RBM10: variants seen among roughly 807,000 people sequenced by gnomAD.
The protein encoded by RBM10 is RNA binding motif protein 10.
Under a neutral mutation model 84.9 loss-of-function variants are expected in RBM10, and 1 was observed. The observed-to-expected ratio is 0.01, with a 90% CI of 0.00 to 0.06. RBM10 has a LOEUF of 0.06. Ranked by LOEUF, RBM10 falls within the 10% of genes least tolerant of loss-of-function variation. RBM10 has a pLI of 1.00. For synonymous variants in RBM10, 326 were observed against 344.5 expected, an observed-to-expected ratio of 0.95 and a Z score of 0.60; for missense variants, 438 against 839.0, an observed-to-expected ratio of 0.52 and a Z score of 5.90.
At position 47,185,609 on chromosome X, in the gene RBM10, G is replaced by A. The variant is rs1556782033; in HGVS notation, c.2334G>A (p.Gln778=). The change falls in exon 20 of 24, where the codon CAG becomes CAA. Residue 778 remains glutamine (Q), a synonymous_variant. Transcript: ENST00000377604. Reference sequence around the variant, plus strand: ...GCAAAGAGGCGCTCATCCGGCACCAGCAGCTCTCAGGGCTCCACAAGGTAA... The same window carrying A: ...GCAAAGAGGCGCTCATCCGGCACCAACAGCTCTCAGGGCTCCACAAGGTAA... The part of the protein sequence containing the change: ...FPSKEALIRH[Q]QLSGLHKQNL... 1 of 1,207,058 alleles carries A rather than the reference G, an allele frequency of 8.3e-7. No homozygotes were observed. Among genetic ancestry groups the A allele is most frequent in the East Asian group, 3.0e-5 (1 of 33,717 alleles).
At chrX:47,149,187 TG>T (rs1932567563) in intron 2 of RBM10, among the ~76,000 whole-genome samples, 1 of 111,068 alleles carries the variant, frequency 9.0e-6, no homozygotes, top group South Asian at 3.7e-4. Flanking sequence ...AGGTTTTTTT[TG>T]TTTTTTGTTT....
chrX:47,169,235 G>A lies in RBM10; in HGVS notation c.18-80G>A, dbSNP rs140530526. On this transcript the variant is annotated intron_variant, in intron 2 of 23. Coordinates refer to ENST00000377604, the MANE Select transcript of RBM10 (RefSeq NM_005676.5). ...TCCTCCAAAAAAACCAAAACCCTAC[G>A]AGAACACATCACCTGGGCCTCTTGC... is the stretch of plus-strand genomic sequence containing the variant. 5.1e-5 allele frequency: 52 copies of A among 1,015,290 alleles called. No homozygotes were observed. In the Middle Eastern group the frequency reaches 1.1e-3, roughly 21 times the overall value. 83.7% of individuals were successfully genotyped at this position (1,015,290 alleles called of 1,213,427 possible).
At chrX:47,146,026 C>G (rs1441781990) in intron 1 of RBM10, among the ~76,000 whole-genome samples, 1 of 109,625 alleles carries the variant, frequency 9.1e-6, no homozygotes, top group Non-Finnish European at 1.9e-5. Context: ...GACCCTAACC[C>G]ACTTATTGGG....
At chrX:47,185,238 A>T (rs782221877) in intron 18 of RBM10, 34 bp downstream of exon 18, 1 of 1,211,683 alleles carries the variant, frequency 8.3e-7, no homozygotes, top group Non-Finnish European at 1.1e-6. Context: ...ACCCTGCCCC[A>T]CAATCTTGTC....
At chrX:47,147,085 G>T (rs1444939257) in intron 1 of RBM10, among the ~76,000 whole-genome samples, 1 of 111,726 alleles carries the variant, frequency 9.0e-6, no homozygotes, top group African/African-American at 3.3e-5. Context: ...CACTGTGGGT[G>T]GCCCCGCCAG....
chrX:47,161,536 TGAGAGAGA>T (rs376441587), intron 2 of RBM10, among the ~76,000 whole-genome samples: 9 of 62,170 alleles, frequency 1.4e-4, no homozygotes, highest in African/African-American at 4.4e-4. Flanking sequence ...TTTTTTTTAG[TGAGAGAGA>T]GAGAGAGAGA....
rs1556777707 is a variant in RBM10, at chrX:47,179,309, C to T, written c.725-10C>T. The T allele has an allele frequency of 8.4e-7, 1 of 1,196,356 alleles. No homozygotes were observed. Among genetic ancestry groups the T allele is most frequent in the Non-Finnish European group, 1.1e-6 (1 of 888,648 alleles). The stretch of plus-strand genomic sequence containing the variant: ...CTTATCACCAGCCTGTCTCCCACTG[C>T]CCCTGACAGAGGCAGAGCAGAAGCT... On this transcript the variant is annotated splice_polypyrimidine_tract_variant and intron_variant, in intron 8 of 23. Transcript: ENST00000377604.
intron 2 of RBM10, among the ~76,000 whole-genome samples, chrX:47,163,407 A>G (rs180977986): frequency 2.7e-5 from 3 of 112,539 alleles, no homozygotes; most frequent in African/African-American, 9.6e-5. Flanking sequence ...GTATACAGGG[A>G]TTCTTTGAAC....
intron 2 of RBM10, chrX:47,157,095 C>A: frequency 3.8e-6 from 1 of 266,076 alleles, no homozygotes. Context: ...GGGGAGTTCC[C>A]GGATGACCTC....
Position 47,186,581 on chromosome X carries a change from C to G in RBM10, c.2775C>G (p.Arg925=). Reference sequence around the variant, plus strand: ...CACTGCACAAGACAATGGTGACCCGCTTCAACGAGGCCCAGTGAGCAGCTT... The same window carrying G: ...CACTGCACAAGACAATGGTGACCCGGTTCAACGAGGCCCAGTGAGCAGCTT... ...KETLHKTMVT[R]FNEAQ is the part of the protein sequence containing the mutation. Residue 925 remains arginine, a synonymous_variant, in exon 24 of 24, where the codon CGC becomes CGG. Coordinates refer to ENST00000377604, the MANE Select transcript of RBM10 (RefSeq NM_005676.5). 1 of 1,211,965 alleles carries G rather than the reference C, an allele frequency of 8.3e-7. No individual in the cohort carries two copies. The highest frequency in any genetic ancestry group is 1.1e-6 in the Non-Finnish European group (1 of 895,535).
rs782728865 is a variant in RBM10 at position 47,171,885 on chromosome X, C to T, written c.432+627C>T. On this transcript the variant is annotated intron_variant, in intron 4 of 23. Transcript: ENST00000377604. ...GATCTTGGTCCTTCTTAGTCTACTC[C>T]GCCGCCCCTCACCCCCTACCCCCAT... is the stretch of plus-strand genomic sequence containing the variant. 2.0e-4 allele frequency among the ~76,000 whole-genome samples: 22 copies of T among 111,673 alleles called. No individual in the cohort carries two copies. In the South Asian group the frequency reaches 6.3e-3, roughly 32 times the overall value.
chrX:47,164,483 C>T (rs1286245124), intron 2 of RBM10, among the ~76,000 whole-genome samples: 1 of 105,531 alleles, frequency 9.5e-6, no homozygotes, highest in African/African-American at 3.5e-5. Flanking sequence ...GATCATGCCA[C>T]TGCCCTCCAG....
chrX:47,149,852 C>T lies in RBM10; in HGVS notation c.17+2354C>T, dbSNP rs782506514. Among the ~76,000 whole-genome samples, 139 of 97,028 alleles carry T rather than the reference C, an allele frequency of 1.4e-3. 2 individuals carry two copies. The highest frequency in any genetic ancestry group is 5.6e-3 in the Middle Eastern group (1 of 180). The allele number at this position is 97,028 out of a possible 115,157, so 84.3% of individuals were successfully genotyped here. On this transcript the variant is annotated intron_variant, in intron 2 of 23. Coordinates refer to ENST00000377604, the MANE Select transcript of RBM10 (RefSeq NM_005676.5). ...TTTTTTTTTTTGAGACGGAGTTTCG[C>T]TCTTGTTGCCCAGGCTGGAGTACAA...
intron 3 of RBM10, among the ~76,000 whole-genome samples, chrX:47,170,767 G>A (rs781921434): frequency 1.8e-5 from 2 of 112,129 alleles, no homozygotes; most frequent in East Asian, 5.7e-4. Context: ...AGCTACCTTT[G>A]GGAGTTCCCC....
At chrX:47,151,481 C>T (rs1556763637) in intron 2 of RBM10, among the ~76,000 whole-genome samples, 1 of 111,717 alleles carries the variant, frequency 9.0e-6, no homozygotes, top group African/African-American at 3.3e-5. Flanking sequence ...CAAATCTATC[C>T]TGTCACTTAT....
chrX:47,174,889 T>C, intron 5 of RBM10, 130 bp from the exon 6 acceptor site: 1 of 521,487 alleles, frequency 1.9e-6, no homozygotes, highest in Non-Finnish European at 3.4e-6. Flanking sequence ...TCTTTCTCTT[T>C]CTTCCTTTTT....
intron 1 of RBM10, among the ~76,000 whole-genome samples, chrX:47,145,903 C>T (rs1932146714): frequency 1.1e-5 from 1 of 93,381 alleles, no homozygotes; most frequent in African/African-American, 4.2e-5. Context: ...GTCTCTATTC[C>T]TGGGGGATCG....
intron 2 of RBM10, among the ~76,000 whole-genome samples, chrX:47,162,383 T>A (rs990175892): frequency 1.9e-4 from 21 of 112,451 alleles, no homozygotes; most frequent in African/African-American, 6.8e-4. Flanking sequence ...CTGTTGTAAA[T>A]CTGTTAGATT....
chrX:47,181,245 A>G lies in RBM10; in HGVS notation c.1279A>G (p.Thr427Ala). ...CCAAGGTGGGGAGGGTACCTGGGCC[A>G]CCTCCGAGGAGCCGCCGGTCGACTA... ...ASQGGEGTWA[T>A]SEEPPVDYSY... Residue 427 changes from threonine (T) to alanine (A), a missense_variant, in exon 13 of 24, where the codon ACC (threonine) becomes GCC (alanine). Thr to Ala is a moderately conservative substitution (Grantham distance 58). Coordinates refer to ENST00000377604, the MANE Select transcript of RBM10 (RefSeq NM_005676.5). 1 of 1,158,072 alleles carries G rather than the reference A, an allele frequency of 8.6e-7. No homozygotes were observed. Among genetic ancestry groups the G allele is most frequent in the Non-Finnish European group, 1.1e-6 (1 of 871,432 alleles).
Sources: allele counts gnomAD v4.1 joint callset (sites outside exome capture counted in the v4.1 genomes callset), GRCh38; gene constraint gnomAD v4.1.1; transcripts MANE v1.5; gene names NCBI Gene and HGNC (gene_info 2026-07-23, HGNC 2026-07-21).